The following CABIN1 variants were observed in gnomAD, a reference collection of about 807,000 sequenced individuals.
CABIN1 encodes the protein calcineurin binding protein 1.
CABIN1 carries 133 observed loss-of-function variants against 227.7 expected under a neutral mutation model. That is an observed-to-expected ratio of 0.58 (90% CI 0.51 to 0.67). CABIN1 has a LOEUF of 0.67. CABIN1 is among the 30% of genes least tolerant of loss of function. The pLI is 0.00. For missense variants in CABIN1, 2,408 were observed against 2,852.5 expected, an observed-to-expected ratio of 0.84 and a Z score of 3.55; for synonymous variants, 1,086 against 1,155.1, an observed-to-expected ratio of 0.94 and a Z score of 1.21.
chr22:24,098,596 GCT>G (rs746386207), intron 26 of CABIN1, among the ~76,000 whole-genome samples: 12 of 152,164 alleles, frequency 7.9e-5, no homozygotes, highest in Admixed American at 2.0e-4. Flanking sequence ...CATTGTTACT[GCT>G]CTGTCCTTCT....
intron 16 of CABIN1, among the ~76,000 whole-genome samples, chr22:24,067,913 G>A (rs531770821): frequency 2.6e-5 from 4 of 152,216 alleles, no homozygotes; most frequent in African/African-American, 4.8e-5. Context: ...AGTTGGCACC[G>A]AGATAAACAT....
In CABIN1 at chr22:24,177,480, G is replaced by C. The variant is rs2047182103; in HGVS notation, c.6206-24G>C. The stretch of plus-strand genomic sequence containing the variant: ...CTGTGTGATGCGGCAGGCAGGAAGT[G>C]CTCTTGGTACCTTTGTCTTCCAGAG... On this transcript the variant is annotated intron_variant, in intron 35 of 36. Transcript: ENST00000263119. The surrounding 1 kb of genome is among the most constrained non-coding windows in gnomAD (Gnocchi z 4.4). 1.3e-6 allele frequency: 2 copies of C among 1,514,392 alleles called. No individual in the cohort carries two copies. Among genetic ancestry groups the C allele is most frequent in the Admixed American group, 2.2e-5 (1 of 45,988 alleles). The allele number at this position is 1,514,392 out of a possible 1,614,324, so 93.8% of individuals were successfully genotyped here.
intron 6 of CABIN1, 141 bp downstream of exon 6, chr22:24,043,225 A>C (rs2037564646): frequency 4.9e-6 from 3 of 607,754 alleles, no homozygotes; most frequent in Admixed American, 5.2e-5. Flanking sequence ...ATGTTCTTAG[A>C]TTTCTGCTTT....
intron 7 of CABIN1, 93 bp from the exon 8 acceptor site, chr22:24,050,732 A>G (rs1291801268): frequency 1.1e-5 from 16 of 1,460,750 alleles, no homozygotes; most frequent in Non-Finnish European, 1.5e-5. Flanking sequence ...ACACATTAAA[A>G]GGTATTAACC....
intron 23 of CABIN1, among the ~76,000 whole-genome samples, chr22:24,089,830 A>G (rs575571112): frequency 3.9e-5 from 6 of 152,304 alleles, no homozygotes; most frequent in East Asian, 3.9e-4. Flanking sequence ...TTCTCAGGCA[A>G]GGGGAAAGGC....
At chr22:24,113,880 C>G (rs1407963335) in intron 27 of CABIN1, 132 bp downstream of exon 27, 16 of 959,678 alleles carry the variant, frequency 1.7e-5, no homozygotes, top group Middle Eastern at 3.1e-4. Flanking sequence ...ATTTTTCTCC[C>G]TGTAGGATGA....
chr22:24,168,957 C>G (rs1301727707), intron 33 of CABIN1, among the ~76,000 whole-genome samples: 1 of 152,116 alleles, frequency 6.6e-6, no homozygotes, highest in Non-Finnish European at 1.5e-5. Context: ...AGCAAGGTGT[C>G]CTAAGACAGG....
intron 1 of CABIN1, among the ~76,000 whole-genome samples, chr22:24,034,896 C>T (rs2036756108): frequency 6.6e-6 from 1 of 152,212 alleles, no homozygotes; most frequent in Non-Finnish European, 1.5e-5. Flanking sequence ...AGGTAAAGTT[C>T]ATGGCCTCTG....
At chr22:24,045,518 G>A (rs1198525794) in intron 6 of CABIN1, among the ~76,000 whole-genome samples, 2 of 151,040 alleles carry the variant, frequency 1.3e-5, no homozygotes, top group Non-Finnish European at 2.9e-5. Context: ...CTACTTGGAA[G>A]GATCACCTGA....
Position 24,076,248 on chromosome 22 carries a change from G to A in CABIN1, c.2712G>A (p.Trp904Ter). 2 of 1,614,164 alleles carry A rather than the reference G, an allele frequency of 1.2e-6. No individual in the cohort carries two copies. The highest frequency in any genetic ancestry group is 8.5e-7 in the Non-Finnish European group (1 of 1,180,014). ...ACGAGTATTTGGGCAGAAGGTCCTG[G>A]TGCTGCAATTCAGATGGGGCTCTGC... is the stretch of plus-strand genomic sequence containing the variant. ...TAHEYLGRRS[W>*]CCNSDGALLR... The change falls in exon 19 of 37, where the codon TGG (tryptophan) becomes TGA (stop). Residue 904 changes from tryptophan to a stop codon, truncating the protein, a stop_gained. Coordinates refer to ENST00000263119, the MANE Select transcript of CABIN1 (RefSeq NM_012295.4). LOFTEE classifies it high-confidence loss of function.
chr22:24,091,558 G>A (rs753434006), intron 23 of CABIN1, 25 bp from the exon 24 acceptor site: 4 of 1,614,110 alleles, frequency 2.5e-6, no homozygotes, highest in Non-Finnish European at 3.4e-6. Flanking sequence ...CGTAAGGCCA[G>A]CCCAGTCTCA....
chr22:24,165,586 C>T lies in CABIN1; in HGVS notation c.4967C>T (p.Thr1656Ile), dbSNP rs949547792. The change falls in exon 31 of 37, where the codon ACT becomes ATT. Residue 1656 changes from threonine to isoleucine, a missense_variant. Thr to Ile is a moderately conservative substitution (Grantham distance 89, BLOSUM62 -1). Around this residue, in one of 3 missense-constraint regions of CABIN1, gnomAD observed 714 missense variants for 773.8 expected, o/e 0.92. Coordinates refer to ENST00000263119, the MANE Select transcript of CABIN1 (RefSeq NM_012295.4). ...CTGGCGCAGCGGGCCTTCATCCTCA[C>T]TGTGAAGGTGCTCGAAGACACGCTG... is the stretch of plus-strand genomic sequence containing the variant. ...QVLAQRAFIL[T>I]VKVLEDTLSE... is the part of the protein sequence containing the mutation. The T allele has an allele frequency of 6.2e-7, 1 of 1,613,124 alleles. No individual in the cohort carries two copies. Among genetic ancestry groups the T allele is most frequent in the Non-Finnish European group, 8.5e-7 (1 of 1,179,992 alleles).
intron 8 of CABIN1, among the ~76,000 whole-genome samples, chr22:24,053,078 C>CTTT (rs71184943): frequency 6.9e-5 from 9 of 131,280 alleles, no homozygotes; most frequent in East Asian, 2.1e-4. Context: ...TTTCTTTTTT[C>CTTT]TTTTTTTTTT....
In CABIN1 at chr22:24,177,858, G is replaced by A. The variant is rs200434391; in HGVS notation, c.6519+41G>A. 3 of 1,589,444 alleles carry A rather than the reference G, an allele frequency of 1.9e-6. No homozygotes were observed. The highest frequency in any genetic ancestry group is 1.7e-5 in the Admixed American group (1 of 59,044). On this transcript the variant is annotated intron_variant, in intron 36 of 36. Transcript: ENST00000263119. This position sits in a 1 kb window ranked among gnomAD's most constrained non-coding sequence, Gnocchi z 4.4. ...GGGCTGGAGCCATGTGTGGGTGGGA[G>A]GCATAGGTTACAAAGGGGGCCTAGG...
chr22:24,170,796 G>C (rs1004060589), intron 33 of CABIN1, among the ~76,000 whole-genome samples: 56 of 145,478 alleles, frequency 3.8e-4, no homozygotes, highest in Non-Finnish European at 8.1e-4. Flanking sequence ...ACCTGCAGGC[G>C]TGTGACTCTC....
chr22:24,135,627 T>G (rs1177351303), intron 29 of CABIN1, among the ~76,000 whole-genome samples: 1 of 152,192 alleles, frequency 6.6e-6, no homozygotes, highest in Non-Finnish European at 1.5e-5. Context: ...CTCCAAGTCC[T>G]TACCTATCCA....
chr22:24,102,677 G>T (rs894935142), intron 26 of CABIN1, among the ~76,000 whole-genome samples: 1 of 152,204 alleles, frequency 6.6e-6, no homozygotes, highest in Non-Finnish European at 1.5e-5. Flanking sequence ...GATCCGAGGG[G>T]TGTGTCGGTG....
At chr22:24,119,169 G>A (rs1237422275) in intron 27 of CABIN1, among the ~76,000 whole-genome samples, 198 bp from the exon 28 acceptor site, 5 of 152,234 alleles carry the variant, frequency 3.3e-5, no homozygotes, top group African/African-American at 1.2e-4. Context: ...CTGTTTCATG[G>A]AGCGGGAGAC....
At chr22:24,097,180 T>A (rs1374435006) in intron 25 of CABIN1, among the ~76,000 whole-genome samples, 1 of 152,224 alleles carries the variant, frequency 6.6e-6, no homozygotes, top group Non-Finnish European at 1.5e-5. Context: ...ATAATTCTGT[T>A]AAATTTTTTT....
Sources: gnomAD v4.1 joint callset for allele counts (sites outside exome capture counted in the v4.1 genomes callset) on GRCh38, gnomAD v4.1.1 for gene constraint, gnomAD v4.1.1 regional missense constraint, Gnocchi (gnomAD v3.1) non-coding constraint, MANE v1.5 for transcripts, NCBI Gene and HGNC (gene_info 2026-07-23, HGNC 2026-07-21) for gene names.